The following NALCN variants were observed in gnomAD, a reference collection of about 807,000 sequenced individuals.
NALCN encodes the protein sodium leak channel NALCN.
In NALCN, 111 loss-of-function variants were observed where a neutral mutation model predicts 225.3. The observed-to-expected ratio is 0.49, with a 90% confidence interval of 0.42 to 0.58. The LOEUF (loss-of-function observed/expected upper bound fraction) is 0.58, where lower values mean the gene tolerates loss of function less well. Among genes scored for constraint, NALCN ranks in the 20% least tolerant of loss-of-function variants. The pLI is 0.00. For synonymous variants in NALCN, 764 were observed against 769.0 expected, an observed-to-expected ratio of 0.99 and a Z score of 0.11; for missense variants, 1,378 against 2,202.4, an observed-to-expected ratio of 0.63 and a Z score of 7.49.
At chr13:101,067,631 G>A (rs2032532704) in intron 39 of NALCN, among the ~76,000 whole-genome samples, 1 of 152,014 alleles carries the variant, frequency 6.6e-6, no homozygotes. Flanking sequence ...CTCTTTTTCT[G>A]GCCTGAGCCC....
chr13:101,069,053 A>T (rs1328278186), intron 37 of NALCN, among the ~76,000 whole-genome samples: 1 of 152,208 alleles, frequency 6.6e-6, no homozygotes, highest in Non-Finnish European at 1.5e-5. Context: ...GGTTATTGCC[A>T]TTTTTAAAAG....
intron 11 of NALCN, among the ~76,000 whole-genome samples, chr13:101,251,076 T>C (rs996142236): frequency 6.6e-6 from 1 of 152,118 alleles, no homozygotes; most frequent in Admixed American, 6.5e-5. Flanking sequence ...AAGTTCAATT[T>C]AACAATATTT....
intron 6 of NALCN, among the ~76,000 whole-genome samples, chr13:101,369,470 G>A (rs1371193487): frequency 6.6e-6 from 1 of 152,130 alleles, no homozygotes; most frequent in Admixed American, 6.5e-5. Context: ...AGGGTCATGA[G>A]TTCAGAAGAC....
intron 17 of NALCN, among the ~76,000 whole-genome samples, chr13:101,138,509 T>C (rs2036912592): frequency 1.3e-5 from 2 of 152,226 alleles, no homozygotes; most frequent in South Asian, 4.1e-4. Flanking sequence ...GATTCTATGC[T>C]GGGAAGTACA....
intron 6 of NALCN, among the ~76,000 whole-genome samples, chr13:101,352,057 T>C (rs1237513147): frequency 6.6e-6 from 1 of 152,196 alleles, no homozygotes; most frequent in African/African-American, 2.4e-5. Flanking sequence ...TTAATTGTAT[T>C]TGAATGTCTG....
chr13:101,209,331 G>C (rs1415198067), intron 13 of NALCN, among the ~76,000 whole-genome samples: 2 of 152,132 alleles, frequency 1.3e-5, no homozygotes, highest in African/African-American at 2.4e-5. Flanking sequence ...CTAGGAACTA[G>C]TTGGTACCTC....
Position 101,144,752 on chromosome 13 carries a change from T to G in NALCN, c.1976+8A>C, listed in dbSNP as rs755048929. On this transcript the variant is annotated splice_region_variant and intron_variant, in intron 16 of 43. Transcript: ENST00000251127. ...GTGAAATATGCAATTAAAGAAGTAT[T>G]TTGGTACCTGATTTTAGGAACTGTA... 8.1e-6 allele frequency: 13 copies of G among 1,604,672 alleles called. No homozygotes were observed. In the East Asian group the frequency reaches 2.9e-4, roughly 36 times the overall value.
intron 34 of NALCN, among the ~76,000 whole-genome samples, chr13:101,079,745 G>C (rs2033500802): frequency 6.6e-6 from 1 of 152,164 alleles, no homozygotes; most frequent in Non-Finnish European, 1.5e-5. Flanking sequence ...ACTAGGAATT[G>C]AGAACCATTT....
intron 11 of NALCN, 84 bp from the exon 12 acceptor site, chr13:101,238,006 T>C: frequency 7.6e-7 from 1 of 1,309,034 alleles, no homozygotes; most frequent in Non-Finnish European, 1.1e-6. Context: ...AGTGTATGAA[T>C]TTTTGCCACT....
chr13:101,168,959 T>G (rs74117660), intron 15 of NALCN, among the ~76,000 whole-genome samples: 1,562 of 152,254 alleles, frequency 0.01, 24 homozygotes, highest in African/African-American at 0.036. Flanking sequence ...CCTCTTCACC[T>G]GGATTAGCAC....
chr13:101,175,234 C>T (rs933543026), intron 15 of NALCN, among the ~76,000 whole-genome samples: 1 of 136,968 alleles, frequency 7.3e-6, no homozygotes, highest in African/African-American at 2.5e-5. Flanking sequence ...ATCTTCATAA[C>T]AATTTTTTTT....
rs1422572358 is a variant in NALCN, at chr13:101,146,010, A to C, written c.1840-1114T>G. On this transcript the variant is annotated intron_variant, in intron 15 of 43. Coordinates refer to ENST00000251127, the MANE Select transcript of NALCN (RefSeq NM_052867.4). ...AAAACAGGAAGAGAGATGGCAATGC[A>C]TCCCTCCTATATGTGGAAATACAAA... Among the ~76,000 whole-genome samples, 3 of 152,200 alleles carry C rather than the reference A, an allele frequency of 2.0e-5. No homozygotes were observed. In the East Asian group the frequency reaches 5.8e-4, roughly 29 times the overall value.
intron 13 of NALCN, among the ~76,000 whole-genome samples, chr13:101,210,853 CCT>C (rs1252965508): frequency 6.6e-6 from 1 of 152,198 alleles, no homozygotes; most frequent in African/African-American, 2.4e-5. Context: ...TCCTACCAAT[CCT>C]CTAAGTTATG....
chr13:101,188,829 G>A (rs2139994365), intron 14 of NALCN, among the ~76,000 whole-genome samples: 1 of 151,888 alleles, frequency 6.6e-6, no homozygotes, highest in African/African-American at 2.4e-5. Flanking sequence ...TGGGCTTACA[G>A]GTGCTCACCA....
At position 101,256,103 on chromosome 13, in the gene NALCN, C is replaced by T. The variant is rs146594661; in HGVS notation, c.1266+2340G>A. ...CTTCAACAGTCGTTTCCATTTCTGC[C>T]TTGACTCCATCAATATGTTTAAGCC... On this transcript the variant is annotated intron_variant, in intron 11 of 43. Transcript: ENST00000251127. 4.3e-3 allele frequency among the ~76,000 whole-genome samples: 662 copies of T among 152,302 alleles called. 7 individuals carry two copies. Among genetic ancestry groups the T allele is most frequent in the Non-Finnish European group, 7.0e-3 (477 of 68,034 alleles).
chr13:101,192,827 G>A (rs954093406), intron 13 of NALCN, among the ~76,000 whole-genome samples: 4 of 152,126 alleles, frequency 2.6e-5, no homozygotes, highest in Non-Finnish European at 5.9e-5. Flanking sequence ...TCCAACTCAT[G>A]TATCCTATAC....
At chr13:101,218,885 C>T (rs1423132914) in intron 13 of NALCN, among the ~76,000 whole-genome samples, 1 of 152,006 alleles carries the variant, frequency 6.6e-6, no homozygotes, top group Non-Finnish European at 1.5e-5. Context: ...TTGTAATTAC[C>T]CAGTCTCAGA....
At chr13:101,062,168 TAC>T in intron 40 of NALCN, 50 bp from the exon 41 acceptor site, 1 of 1,599,304 alleles carries the variant, frequency 6.3e-7, no homozygotes, top group Non-Finnish European at 8.5e-7. Flanking sequence ...ACCTGAGATT[TAC>T]ACCCTTAGAT....
intron 13 of NALCN, among the ~76,000 whole-genome samples, chr13:101,194,403 A>G (rs2039807829): frequency 6.6e-6 from 1 of 152,218 alleles, no homozygotes; most frequent in Non-Finnish European, 1.5e-5. Context: ...TAGTGCCAAC[A>G]AATACTTCTA....
Sources: gnomAD v4.1 joint callset for allele counts (sites outside exome capture counted in the v4.1 genomes callset) on GRCh38, gnomAD v4.1.1 for gene constraint, MANE v1.5 for transcripts, NCBI Gene and HGNC (gene_info 2026-07-23, HGNC 2026-07-21) for gene names.